RCAN2: variants seen among roughly 807,000 people sequenced by gnomAD.
RCAN2 encodes the protein calcipressin-2.
A neutral mutation model predicts 23.6 loss-of-function variants in RCAN2; 9 were observed. That is an observed-to-expected ratio of 0.38 (90% confidence interval 0.23 to 0.67). The LOEUF is 0.67. Among genes scored for constraint, RCAN2 ranks in the 30% least tolerant of loss-of-function variants. The pLI is 0.51. For missense variants in RCAN2, 273 were observed against 302.3 expected (o/e 0.90, Z 0.72); for synonymous variants, 109 against 115.7 (o/e 0.94, Z 0.37).
chr6:46,356,855 C>A (rs1764846627), intron 2 of RCAN2, among the ~76,000 whole-genome samples: 1 of 152,148 alleles, frequency 6.6e-6, no homozygotes, highest in African/African-American at 2.4e-5. Context: ...TTATATTATA[C>A]CCATTCTACC....
intron 2 of RCAN2, among the ~76,000 whole-genome samples, chr6:46,397,270 G>T (rs1766117406): frequency 6.6e-6 from 1 of 151,898 alleles, no homozygotes; most frequent in African/African-American, 2.4e-5. Context: ...ACAAAGGGGG[G>T]TACCATAGGG....
chr6:46,234,687 C>T (rs1431839315), intron 4 of RCAN2, among the ~76,000 whole-genome samples: 2 of 152,242 alleles, frequency 1.3e-5, no homozygotes, highest in Non-Finnish European at 2.9e-5. Flanking sequence ...CTACCTATTC[C>T]ATGAAACAAA....
At chr6:46,224,266 C>T (rs1174240463) in intron 4 of RCAN2, among the ~76,000 whole-genome samples, 1 of 152,168 alleles carries the variant, frequency 6.6e-6, no homozygotes, top group Non-Finnish European at 1.5e-5. Flanking sequence ...TGTTGACATA[C>T]TAATCTTAAT....
chr6:46,381,202 T>C (rs985452496), intron 2 of RCAN2, among the ~76,000 whole-genome samples: 1 of 152,186 alleles, frequency 6.6e-6, no homozygotes, highest in African/African-American at 2.4e-5. Flanking sequence ...GAAAGACAGA[T>C]TACATGTTCT....
At chr6:46,230,653 C>T (rs937241710) in intron 4 of RCAN2, among the ~76,000 whole-genome samples, 3 of 152,156 alleles carry the variant, frequency 2.0e-5, no homozygotes, top group Non-Finnish European at 2.9e-5. Flanking sequence ...GGGAGTGACC[C>T]GACTTTCCAG....
intron 4 of RCAN2, among the ~76,000 whole-genome samples, chr6:46,236,388 T>C (rs9463188): frequency 0.017 from 2,562 of 152,244 alleles, 73 homozygotes; most frequent in African/African-American, 0.058. Context: ...ATACCTCTAT[T>C]TCCATGAGAC....
chr6:46,348,862 A>T (rs1764565873), intron 2 of RCAN2, among the ~76,000 whole-genome samples: 1 of 152,174 alleles, frequency 6.6e-6, no homozygotes, highest in East Asian at 1.9e-4. Flanking sequence ...TCCGTAAGAC[A>T]TATTCCCCCA....
chr6:46,263,405 C>A (rs1441933072), intron 2 of RCAN2, among the ~76,000 whole-genome samples: 1 of 151,986 alleles, frequency 6.6e-6, no homozygotes, highest in East Asian at 1.9e-4. Context: ...ATTCCTCTTA[C>A]TATTTAAAAT....
chr6:46,357,483 G>A (rs902147138), intron 2 of RCAN2, among the ~76,000 whole-genome samples: 1 of 152,126 alleles, frequency 6.6e-6, no homozygotes, highest in African/African-American at 2.4e-5. Flanking sequence ...GAGTCTACTG[G>A]TCAGTTGTTT....
intron 2 of RCAN2, among the ~76,000 whole-genome samples, chr6:46,262,829 T>C (rs1767158274): frequency 6.6e-6 from 1 of 152,186 alleles, no homozygotes; most frequent in South Asian, 2.1e-4. Flanking sequence ...ATTCTGTGCC[T>C]GCAAGCCTTC....
chr6:46,270,395 A>T (rs1040471418), intron 2 of RCAN2, among the ~76,000 whole-genome samples: 3 of 152,146 alleles, frequency 2.0e-5, no homozygotes, highest in African/African-American at 7.2e-5. Context: ...CCACCCTCTC[A>T]TTGCTGATTC....
At chr6:46,311,739 T>C (rs570977859) in intron 2 of RCAN2, among the ~76,000 whole-genome samples, 4 of 152,342 alleles carry the variant, frequency 2.6e-5, no homozygotes, top group Admixed American at 1.3e-4. Context: ...TCAGGACTTA[T>C]TAACTCCCTC....
At chr6:46,315,177 G>A (rs1169732421) in intron 2 of RCAN2, among the ~76,000 whole-genome samples, 1 of 152,132 alleles carries the variant, frequency 6.6e-6, no homozygotes, top group Non-Finnish European at 1.5e-5. Context: ...GCATGTTTTA[G>A]GGTTTGCAAA....
intron 1 of RCAN2, among the ~76,000 whole-genome samples, chr6:46,470,458 G>C (rs966167527): frequency 2.0e-5 from 3 of 152,190 alleles, no homozygotes; most frequent in Non-Finnish European, 2.9e-5. Flanking sequence ...ACCAGGAATG[G>C]GGTGATATTA....
chr6:46,478,909 C>T (rs1475792741), intron 1 of RCAN2, among the ~76,000 whole-genome samples: 2 of 152,100 alleles, frequency 1.3e-5, no homozygotes, highest in Admixed American at 6.6e-5. Context: ...GATAAGAAAA[C>T]GATTATAAAC....
intron 2 of RCAN2, among the ~76,000 whole-genome samples, chr6:46,292,308 A>G (rs986999555): frequency 6.6e-6 from 1 of 152,184 alleles, no homozygotes; most frequent in African/African-American, 2.4e-5. Context: ...TATTATTTCA[A>G]CTTTTTAAAA....
chr6:46,458,931 G>A (rs1163484445), intron 1 of RCAN2, among the ~76,000 whole-genome samples: 2 of 152,142 alleles, frequency 1.3e-5, no homozygotes, highest in Non-Finnish European at 1.5e-5. Context: ...TGCTCTTGTC[G>A]CCCAGGCTGG....
intron 2 of RCAN2, chr6:46,325,546 C>G: frequency 6.2e-7 from 1 of 1,601,080 alleles, no homozygotes; most frequent in Non-Finnish European, 8.5e-7. Flanking sequence ...GAAGAGCTTC[C>G]AGATGGATAT....
intron 2 of RCAN2, among the ~76,000 whole-genome samples, chr6:46,417,909 G>A (rs1188007978): frequency 6.6e-6 from 1 of 152,202 alleles, no homozygotes; most frequent in Admixed American, 6.5e-5. Context: ...TTTCACTGAT[G>A]AGAAAACTGA....
Sources: allele counts gnomAD v4.1 joint callset (sites outside exome capture counted in the v4.1 genomes callset), GRCh38; gene constraint gnomAD v4.1.1; transcripts MANE v1.5; gene names NCBI Gene and HGNC (gene_info 2026-07-23, HGNC 2026-07-21).